STT3A: variants seen among roughly 807,000 people sequenced by gnomAD.
The protein encoded by STT3A is dolichyl-diphosphooligosaccharide--protein glycosyltransferase subunit STT3A.
STT3A carries 34 observed loss-of-function variants against 89.2 expected under a neutral mutation model. The observed-to-expected ratio is 0.38, with a 90% CI of 0.29 to 0.51. The LOEUF is 0.51. STT3A is among the 20% of genes least tolerant of loss of function. STT3A has a pLI of 0.89. For synonymous variants in STT3A, 282 were observed against 310.3 expected (o/e 0.91, Z 0.96); for missense variants, 555 against 889.5 (o/e 0.62, Z 4.78).
rs1041356283 is a variant in STT3A at position 125,614,380 on chromosome 11, C to T, written c.1728C>T (p.Ser576=). The T allele has an allele frequency of 1.2e-6, 2 of 1,614,032 alleles. No homozygotes were observed. Among genetic ancestry groups the T allele is most frequent in the Admixed American group, 3.3e-5 (2 of 60,024 alleles). The change falls in exon 15 of 18, where the codon AGC becomes AGT. Residue 576 remains serine, a synonymous_variant. Transcript: ENST00000392708. This position sits in a 1 kb window ranked among gnomAD's most constrained non-coding sequence, Gnocchi z 4.9. ...AYEIMRELDV[S]YVLVIFGGLT... ...AGATCATGAGGGAGCTCGATGTCAG[C>T]TATGTGCTGGTCATTTTTGGAGGCC...
chr11:125,608,093 A>G lies in STT3A; in HGVS notation c.781-16A>G. 1 of 1,587,438 alleles carries G rather than the reference A, an allele frequency of 6.3e-7. No individual in the cohort carries two copies. Among genetic ancestry groups the G allele is most frequent in the Non-Finnish European group, 8.6e-7 (1 of 1,169,102 alleles). ...TTTTTTCCTTAGTATTAACATACAT[A>G]TCCTTTTACCTACAGCCTGTCCTTT... On this transcript the variant is annotated splice_polypyrimidine_tract_variant and intron_variant, in intron 8 of 17. Transcript: ENST00000392708.
chr11:125,598,112 T>C lies in STT3A; in HGVS notation c.149+993T>C, dbSNP rs1939549955. ...CCGTAATCCCAGCTACTCTAGAGAC[T>C]GAGGCAGGAGAATCGCTTGAACGCA... On this transcript the variant is annotated intron_variant, in intron 3 of 17. Coordinates refer to ENST00000392708, the MANE Select transcript of STT3A (RefSeq NM_152713.5). Among the ~76,000 whole-genome samples, 4 of 152,198 alleles carry C rather than the reference T, an allele frequency of 2.6e-5. No homozygotes were observed. The East Asian group carries it at 7.7e-4, about 29-fold the overall frequency.
rs920328345 is a variant in STT3A at position 125,613,910 on chromosome 11, A to G, written c.1555-177A>G. 11 of 595,428 alleles carry G rather than the reference A, an allele frequency of 1.8e-5. No individual in the cohort carries two copies. Among genetic ancestry groups the G allele is most frequent in the Non-Finnish European group, 2.7e-5 (9 of 330,496 alleles). The allele number at this position is 595,428 out of a possible 1,614,324, so 36.9% of individuals were successfully genotyped here. Reference sequence around the variant, plus strand: ...TTGTGCTGAGATTTTATAATTGTATATAAATGGAAGACCAGGTGCCAGGAT... The same window carrying G: ...TTGTGCTGAGATTTTATAATTGTATGTAAATGGAAGACCAGGTGCCAGGAT... On this transcript the variant is annotated intron_variant, in intron 13 of 17. Coordinates refer to ENST00000392708, the MANE Select transcript of STT3A (RefSeq NM_152713.5). The surrounding 1 kb of genome is among the most constrained non-coding windows in gnomAD (Gnocchi z 4.2).
chr11:125,598,266 T>C (rs1323631228), intron 3 of STT3A, among the ~76,000 whole-genome samples: 1 of 152,040 alleles, frequency 6.6e-6, no homozygotes, highest in Non-Finnish European at 1.5e-5. Flanking sequence ...GGAGTGGTTA[T>C]CTAAGGTTGA....
Position 125,614,915 on chromosome 11 carries a change from A to T in STT3A, c.1774+489A>T, listed in dbSNP as rs1293585754. The stretch of plus-strand genomic sequence containing the variant: ...TGATTATTGGCACAAAGATTTTTAG[A>T]AGAAACATCCAAATATAGTTATCTG... On this transcript the variant is annotated intron_variant, in intron 15 of 17. Coordinates refer to ENST00000392708, the MANE Select transcript of STT3A (RefSeq NM_152713.5). The surrounding 1 kb of genome is among the most constrained non-coding windows in gnomAD (Gnocchi z 4.9). 6.6e-6 allele frequency among the ~76,000 whole-genome samples: 1 copy of T among 152,128 alleles called. No homozygotes were observed. Among genetic ancestry groups the T allele is most frequent in the East Asian group, 1.9e-4 (1 of 5,202 alleles).
At chr11:125,619,826 CT>C (rs1677082204) in intron 16 of STT3A, among the ~76,000 whole-genome samples, 184 bp from the exon 17 acceptor site, 1 of 152,184 alleles carries the variant, frequency 6.6e-6, no homozygotes, top group Non-Finnish European at 1.5e-5. Flanking sequence ...TTGCATAGAA[CT>C]TAAGCTAGGG....
chr11:125,618,205 G>A (rs1305999541), intron 15 of STT3A, among the ~76,000 whole-genome samples, 168 bp from the exon 16 acceptor site: 1 of 152,086 alleles, frequency 6.6e-6, no homozygotes, highest in Non-Finnish European at 1.5e-5. Context: ...TGTATATTTT[G>A]ACGAAAAATG....
intron 8 of STT3A, among the ~76,000 whole-genome samples, chr11:125,606,848 A>AAGCACAAACCTTTAACCACATTGCAC (rs1411427001): frequency 3.9e-5 from 6 of 152,242 alleles, no homozygotes; most frequent in Non-Finnish European, 8.8e-5. Context: ...TCAGGAAGTA[A>AAGCACAAACCTTTAACCACATTGCAC]AGCACAAACC....
At chr11:125,594,096 A>C (rs1939408348) in intron 1 of STT3A, among the ~76,000 whole-genome samples, 1 of 152,218 alleles carries the variant, frequency 6.6e-6, no homozygotes, top group African/African-American at 2.4e-5. Flanking sequence ...AAAAAAAATA[A>C]GGTGATGAAT....
upstream of STT3A, chr11:125,592,007 T>C (rs1939310083): frequency 6.2e-6 from 1 of 161,354 alleles, no homozygotes; most frequent in Non-Finnish European, 1.4e-5. Flanking sequence ...AGAGGCAAGT[T>C]AGGATAGGGA....
chr11:125,592,268 GGCACAGTAAAAGCTC>G, upstream of STT3A: 2 of 383,324 alleles, frequency 5.2e-6, no homozygotes, highest in South Asian at 3.8e-5. Flanking sequence ...CAGTTACCAA[GGCACAGTAAAAGCTC>G]GAGTCAACTA....
At chr11:125,608,471 C>T (rs967393346) in intron 9 of STT3A, 182 bp downstream of exon 9, 10 of 505,002 alleles carry the variant, frequency 2.0e-5, no homozygotes, top group Admixed American at 4.1e-5. Context: ...CCTGCCACCG[C>T]GCCCGCCACC....
chr11:125,601,754 T>C (rs2135915174), intron 3 of STT3A, among the ~76,000 whole-genome samples: 1 of 152,292 alleles, frequency 6.6e-6, no homozygotes, highest in South Asian at 2.1e-4. Context: ...GTATCCCATT[T>C]GATTGCTTTG....
chr11:125,594,867 TACAG>T (rs1939441821), intron 1 of STT3A: 1 of 152,308 alleles, frequency 6.6e-6, no homozygotes, highest in Middle Eastern at 3.4e-3. Flanking sequence ...CATTGTCAGT[TACAG>T]AGAAGCCTTG....
intron 1 of STT3A, 99 bp from the exon 2 acceptor site, chr11:125,595,782 A>T: frequency 1.6e-6 from 1 of 644,206 alleles, no homozygotes; most frequent in African/African-American, 1.8e-5. Flanking sequence ...TGTTTTTGCT[A>T]GCTCCTACGT....
At chr11:125,597,921 T>C (rs1399250201) in intron 3 of STT3A, among the ~76,000 whole-genome samples, 1 of 152,052 alleles carries the variant, frequency 6.6e-6, no homozygotes, top group Non-Finnish European at 1.5e-5. Context: ...TTCTTAGAAA[T>C]GAGGAGACTC....
intron 1 of STT3A, chr11:125,593,662 C>T (rs1939388781): frequency 6.6e-6 from 1 of 152,126 alleles, no homozygotes; most frequent in Non-Finnish European, 1.5e-5. Context: ...AGCTGCAAAC[C>T]CTGAGAGATA....
chr11:125,607,066 G>T (rs1939861309), intron 8 of STT3A, among the ~76,000 whole-genome samples: 1 of 152,198 alleles, frequency 6.6e-6, no homozygotes, highest in South Asian at 2.1e-4. Context: ...GTGTGAAAGT[G>T]ATCTGCATTG....
In STT3A at chr11:125,614,506, T is replaced by C; in HGVS notation, c.1774+80T>C. 1.5e-6 allele frequency: 2 copies of C among 1,329,444 alleles called. No individual in the cohort carries two copies. The highest frequency in any genetic ancestry group is 2.1e-6 in the Non-Finnish European group (2 of 951,420). 82.4% of individuals were successfully genotyped at this position (1,329,444 alleles called of 1,614,324 possible). ...ATGAATATCCTAGTTTTCTGTACTTTTACTAATATTTTACTAAGATATTTT... is the reference window on the plus strand; with the variant it reads ...ATGAATATCCTAGTTTTCTGTACTTCTACTAATATTTTACTAAGATATTTT... On this transcript the variant is annotated intron_variant, in intron 15 of 17. Coordinates refer to ENST00000392708, the MANE Select transcript of STT3A (RefSeq NM_152713.5). The surrounding 1 kb of genome is among the most constrained non-coding windows in gnomAD (Gnocchi z 4.9).
Sources: gnomAD v4.1 joint callset for allele counts (sites outside exome capture counted in the v4.1 genomes callset) on GRCh38, gnomAD v4.1.1 for gene constraint, Gnocchi (gnomAD v3.1) non-coding constraint, MANE v1.5 for transcripts, NCBI Gene and HGNC (gene_info 2026-07-23, HGNC 2026-07-21) for gene names.